Variants in DLG2 observed in about 807,000 individuals in gnomAD.
DLG2 encodes the protein disks large homolog 2.
In DLG2, 45 loss-of-function variants were observed where a neutral mutation model predicts 132.5. The ratio of observed to expected loss-of-function variants is 0.34; its 90% CI spans 0.27 to 0.44. The LOEUF (loss-of-function observed/expected upper bound fraction) is 0.44. Ranked by LOEUF, DLG2 falls within the 20% of genes least tolerant of loss-of-function variation. DLG2 has a pLI of 1.00. For missense variants in DLG2, 1,045 were observed against 1,196.9 expected, an observed-to-expected ratio of 0.87 and a Z score of 1.87; for synonymous variants, 424 against 419.6, an observed-to-expected ratio of 1.01 and a Z score of -0.13.
At chr11:83,696,213 G>A (rs1228882991) in intron 18 of DLG2, among the ~76,000 whole-genome samples, 1 of 152,082 alleles carries the variant, frequency 6.6e-6, no homozygotes, top group Non-Finnish European at 1.5e-5. Flanking sequence ...TGGCAGCAGT[G>A]GGAATGTAAA....
chr11:83,536,567 T>G (rs1230324751), intron 20 of DLG2, among the ~76,000 whole-genome samples: 33 of 50,220 alleles, frequency 6.6e-4, no homozygotes, highest in African/African-American at 1.8e-3. Flanking sequence ...AACGTGGTGT[T>G]TTTTTTTTTT....
In DLG2 at chr11:84,950,705, A is replaced by C. The variant is rs181906794; in HGVS notation, c.357+160956T>G. On this transcript the variant is annotated intron_variant, in intron 6 of 27. Coordinates refer to ENST00000376104, the MANE Select transcript of DLG2 (RefSeq NM_001142699.3). The stretch of plus-strand genomic sequence containing the variant: ...TTCTCTTGTTCCCTTGCATATAGTC[A>C]TAAGCACACACACGCACGTGCATAC... Among the ~76,000 whole-genome samples the C allele has an allele frequency of 9.4e-4, 143 of 151,810 alleles. 2 individuals carry two copies. Among genetic ancestry groups the C allele is most frequent in the Non-Finnish European group, 1.6e-4 (11 of 67,986 alleles).
At chr11:83,700,555 C>T (rs1396785353) in intron 18 of DLG2, among the ~76,000 whole-genome samples, 2 of 152,080 alleles carry the variant, frequency 1.3e-5, no homozygotes, top group Admixed American at 1.3e-4. Flanking sequence ...CAGATCGATC[C>T]ATGACTCTGA....
intron 7 of DLG2, among the ~76,000 whole-genome samples, chr11:84,381,493 T>C (rs1277815701): frequency 6.6e-6 from 1 of 152,184 alleles, no homozygotes; most frequent in Non-Finnish European, 1.5e-5. Context: ...TTTTATAATA[T>C]AAATTCATCA....
intron 18 of DLG2, among the ~76,000 whole-genome samples, chr11:83,703,406 T>G (rs1286981328): frequency 6.6e-6 from 1 of 152,200 alleles, no homozygotes; most frequent in Non-Finnish European, 1.5e-5. Context: ...TCCCAGCACT[T>G]TGGGAGGTCG....
intron 19 of DLG2, among the ~76,000 whole-genome samples, chr11:83,608,872 G>C (rs990511429): frequency 1.3e-5 from 2 of 152,154 alleles, no homozygotes; most frequent in East Asian, 3.9e-4. Context: ...TTCATTTTTA[G>C]CTCTATCATT....
intron 15 of DLG2, among the ~76,000 whole-genome samples, chr11:83,905,389 C>A (rs529260982): frequency 7.9e-4 from 121 of 152,226 alleles, no homozygotes; most frequent in Middle Eastern, 3.4e-3. Flanking sequence ...TTCCTTTGAC[C>A]TTCCCTCTAG....
chr11:85,526,048 C>T (rs1231119052), intron 3 of DLG2, among the ~76,000 whole-genome samples: 1 of 152,136 alleles, frequency 6.6e-6, no homozygotes, highest in Non-Finnish European at 1.5e-5. Flanking sequence ...TCCCACTAGC[C>T]AAAATGTAAA....
chr11:84,930,257 G>A lies in DLG2; in HGVS notation c.357+181404C>T, dbSNP rs141155781. On this transcript the variant is annotated intron_variant, in intron 6 of 27. Coordinates refer to ENST00000376104, the MANE Select transcript of DLG2 (RefSeq NM_001142699.3). ...TTAGTACCTGATTATACAGTGTCTTGTATTGTTCTCTTATTGCCTTTTGTG... is the reference window on the plus strand; with the variant it reads ...TTAGTACCTGATTATACAGTGTCTTATATTGTTCTCTTATTGCCTTTTGTG... Among the ~76,000 whole-genome samples, 39 of 152,072 alleles carry A rather than the reference G, an allele frequency of 2.6e-4. 1 individual carries two copies. The East Asian group carries it at 7.5e-3, about 29-fold the overall frequency.
At chr11:85,511,293 A>C (rs892030901) in intron 3 of DLG2, among the ~76,000 whole-genome samples, 6 of 152,174 alleles carry the variant, frequency 3.9e-5, no homozygotes, top group Non-Finnish European at 2.9e-5. Context: ...TAATGGGTGC[A>C]GCATACCAAC....
At chr11:83,485,170 T>C (rs1026073154) in intron 21 of DLG2, among the ~76,000 whole-genome samples, 4 of 152,164 alleles carry the variant, frequency 2.6e-5, no homozygotes, top group African/African-American at 9.6e-5. Flanking sequence ...ACTATTCCAT[T>C]AGCTTAAATG....
intron 7 of DLG2, among the ~76,000 whole-genome samples, chr11:84,510,935 G>A (rs1565149412): frequency 6.6e-6 from 1 of 152,032 alleles, no homozygotes; most frequent in East Asian, 1.9e-4. Context: ...AGAGGGAGGA[G>A]GGCTCCAAAG....
intron 7 of DLG2, among the ~76,000 whole-genome samples, chr11:84,289,873 A>T (rs2097963023): frequency 6.6e-6 from 1 of 152,152 alleles, no homozygotes; most frequent in South Asian, 2.1e-4. Flanking sequence ...GAGAAAGAAA[A>T]CTTGTTTGAA....
At chr11:84,810,769 C>T (rs146413163) in intron 6 of DLG2, among the ~76,000 whole-genome samples, 1 of 152,126 alleles carries the variant, frequency 6.6e-6, no homozygotes, top group African/African-American at 2.4e-5. Context: ...TAAAAAGTAA[C>T]AGACTACTGA....
At chr11:84,255,853 C>A (rs996128506) in intron 7 of DLG2, among the ~76,000 whole-genome samples, 4 of 151,980 alleles carry the variant, frequency 2.6e-5, no homozygotes, top group African/African-American at 9.7e-5. Flanking sequence ...AAAAAAAATT[C>A]TTTCTTAAGT....
chr11:84,691,791 G>T (rs922602345), intron 6 of DLG2, among the ~76,000 whole-genome samples: 1 of 151,718 alleles, frequency 6.6e-6, no homozygotes, highest in East Asian at 1.9e-4. Flanking sequence ...GGTCAACACT[G>T]ATTGAAATAG....
rs189865571 is a variant in DLG2, at chr11:83,940,437, C to T, written c.1341-9954G>A. On this transcript the variant is annotated intron_variant, in intron 14 of 27. Coordinates refer to ENST00000376104, the MANE Select transcript of DLG2 (RefSeq NM_001142699.3). ...CTGTGCTACATATGCTTTATATACCCGATGTTATTAATCCTCCCATGAAAC... is the reference window on the plus strand; with the variant it reads ...CTGTGCTACATATGCTTTATATACCTGATGTTATTAATCCTCCCATGAAAC... 3.5e-3 allele frequency among the ~76,000 whole-genome samples: 537 copies of T among 152,186 alleles called. 5 individuals are homozygous for T. The highest frequency in any genetic ancestry group is 0.012 in the African/African-American group (497 of 41,514).
At chr11:84,125,052 G>A (rs1389460564) in intron 9 of DLG2, among the ~76,000 whole-genome samples, 5 of 151,958 alleles carry the variant, frequency 3.3e-5, no homozygotes, top group Admixed American at 2.0e-4. Context: ...GTTTCTCTAT[G>A]TTAGTCAGGC....
chr11:85,078,438 T>C (rs998221214), intron 6 of DLG2, among the ~76,000 whole-genome samples: 3 of 151,724 alleles, frequency 2.0e-5, no homozygotes, highest in African/African-American at 7.3e-5. Context: ...TCTGAAATGC[T>C]CAAGGAGGAC....
Sources: gnomAD v4.1 joint callset for allele counts (sites outside exome capture counted in the v4.1 genomes callset) on GRCh38, gnomAD v4.1.1 for gene constraint, MANE v1.5 for transcripts, NCBI Gene and HGNC (gene_info 2026-07-23, HGNC 2026-07-21) for gene names.